The following RAB15 variants were observed in gnomAD, a reference collection of about 807,000 sequenced individuals.
The protein encoded by RAB15 is RAB15, member RAS oncogene family, also known as ras-related protein Rab-15.
In RAB15, 13 loss-of-function variants were observed where a neutral mutation model predicts 31.8. The ratio of observed to expected loss-of-function variants is 0.41; its 90% CI spans 0.27 to 0.65. RAB15 has a LOEUF of 0.65. RAB15 is among the 30% of genes least tolerant of loss of function. The pLI is 0.32. For synonymous variants in RAB15, 100 were observed against 105.6 expected (o/e 0.95, Z 0.33); for missense variants, 220 against 277.3 (o/e 0.79, Z 1.47).
Position 64,953,688 on chromosome 14 carries a change from G to T in RAB15, c.125-1117C>A. On this transcript the variant is annotated intron_variant, in intron 1 of 6. Coordinates refer to ENST00000533601, the MANE Select transcript of RAB15 (RefSeq NM_001308154.2). This position sits in a 1 kb window ranked among gnomAD's most constrained non-coding sequence, Gnocchi z 4.6. ...TCTGAGTGACAACAGAGAGATGAGG[G>T]AGGTTGTTTTGCTGACCATGCCTCT... is the stretch of plus-strand genomic sequence containing the variant. 1.9e-6 allele frequency: 1 copy of T among 520,360 alleles called. No individual in the cohort carries two copies. Among genetic ancestry groups the T allele is most frequent in the Non-Finnish European group, 2.5e-6 (1 of 404,986 alleles). 32.2% of individuals were successfully genotyped at this position (520,360 alleles called of 1,614,324 possible).
At chr14:64,967,275 G>T (rs1594954745) in intron 1 of RAB15, among the ~76,000 whole-genome samples, 1 of 152,206 alleles carries the variant, frequency 6.6e-6, no homozygotes, top group South Asian at 2.1e-4. Context: ...ACTCAGGGAA[G>T]ACTAAGGATG....
rs2079522126 is a variant in RAB15 at position 64,970,699 on chromosome 14, AATT to A, written c.124+1251_124+1253del. Among the ~76,000 whole-genome samples the A allele has an allele frequency of 6.6e-6, 1 of 152,242 alleles. No individual in the cohort carries two copies. Among genetic ancestry groups the A allele is most frequent in the South Asian group, 2.1e-4 (1 of 4,836 alleles). On this transcript the variant is annotated intron_variant, in intron 1 of 6. Coordinates refer to ENST00000533601, the MANE Select transcript of RAB15 (RefSeq NM_001308154.2). This position sits in a 1 kb window ranked among gnomAD's most constrained non-coding sequence, Gnocchi z 4.1. ...TGACAACAACTTGGCAGGTAGGTGC[AATT>A]ATTATACCCGTTCTACAGATGAGAA...
rs1886270333 is a variant in RAB15, at chr14:64,951,847, C to T, written c.186-184G>A. On this transcript the variant is annotated intron_variant, in intron 2 of 6. Coordinates refer to ENST00000533601, the MANE Select transcript of RAB15 (RefSeq NM_001308154.2). This position sits in a 1 kb window ranked among gnomAD's most constrained non-coding sequence, Gnocchi z 7.2. ...TCATCTGTGCTGGTGCTGACCAGGCCTGCAGGGCCTTGGCCCCTCCTGCCA... is the reference window on the plus strand; with the variant it reads ...TCATCTGTGCTGGTGCTGACCAGGCTTGCAGGGCCTTGGCCCCTCCTGCCA... Among the ~76,000 whole-genome samples the T allele has an allele frequency of 1.3e-5, 2 of 152,232 alleles. No homozygotes were observed. Among genetic ancestry groups the T allele is most frequent in the African/African-American group, 4.8e-5 (2 of 41,472 alleles).
intron 1 of RAB15, among the ~76,000 whole-genome samples, chr14:64,966,413 C>T (rs1000441747): frequency 6.6e-6 from 1 of 151,846 alleles, no homozygotes; most frequent in Non-Finnish European, 1.5e-5. Context: ...ATCCCAGCTA[C>T]TTAGGAGGCT....
In RAB15 at chr14:64,950,483, T is replaced by C. The variant is rs1199942515; in HGVS notation, c.325-69A>G. ...CCCCCCCAATTTTCCCTACAGAGTC[T>C]GCACTGCCTCCAGCCCACCACCAAT... is the stretch of plus-strand genomic sequence containing the variant. On this transcript the variant is annotated intron_variant, in intron 4 of 6. Coordinates refer to ENST00000533601, the MANE Select transcript of RAB15 (RefSeq NM_001308154.2). This position sits in a 1 kb window ranked among gnomAD's most constrained non-coding sequence, Gnocchi z 5.6. The C allele has an allele frequency of 1.0e-5, 13 of 1,284,982 alleles. No homozygotes were observed. The highest frequency in any genetic ancestry group is 1.4e-5 in the Non-Finnish European group (12 of 884,764). 79.6% of individuals were successfully genotyped at this position (1,284,982 alleles called of 1,614,324 possible).
rs1872988857 is a variant in RAB15, at chr14:64,951,126, C to T, written c.272G>A (p.Ser91Asn). 1.9e-6 allele frequency: 3 copies of T among 1,612,582 alleles called. No homozygotes were observed. The highest frequency in any genetic ancestry group is 1.1e-5 in the South Asian group (1 of 91,086). Residue 91 changes from serine (S) to asparagine (N), a missense_variant, in exon 4 of 7, where the codon AGC becomes AAC. Ser to Asn is a conservative substitution (Grantham distance 46). Transcript: ENST00000533601. This position sits in a 1 kb window ranked among gnomAD's most constrained non-coding sequence, Gnocchi z 7.2. ...AQGIFLVYDI[S>N]SERSYQHIMK... ...GATGTGCTGGTAAGAGCGCTCGCTGCTAATGTCATAGACCAAAAATATCCC... is the reference window on the plus strand; with the variant it reads ...GATGTGCTGGTAAGAGCGCTCGCTGTTAATGTCATAGACCAAAAATATCCC...
In RAB15 at chr14:64,946,504, A is replaced by G. The variant is rs1288191192; in HGVS notation, c.*1850T>C. On this transcript the variant is annotated 3_prime_UTR_variant, in exon 7 of 7. Transcript: ENST00000533601. Reference sequence around the variant, plus strand: ...CTAGAGTTAGCTGTCTCCTTTTCTCATTAGCCAGTGATTTACAACTTCCTG... The same window carrying G: ...CTAGAGTTAGCTGTCTCCTTTTCTCGTTAGCCAGTGATTTACAACTTCCTG... The G allele has an allele frequency of 2.0e-5, 3 of 152,180 alleles. No individual in the cohort carries two copies. The highest frequency in any genetic ancestry group is 2.0e-4 in the Admixed American group (3 of 15,278). 9.4% of individuals were successfully genotyped at this position (152,180 alleles called of 1,614,324 possible). A position where few individuals can be genotyped will look rare whatever the true frequency, so the allele number is the denominator to read the frequency against.
At chr14:64,959,503 T>A (rs991445530) in intron 1 of RAB15, among the ~76,000 whole-genome samples, 1 of 152,182 alleles carries the variant, frequency 6.6e-6, no homozygotes, top group Non-Finnish European at 1.5e-5. Context: ...TGCTCGTTTT[T>A]AAAATCTCTG....
At position 64,952,256 on chromosome 14, in the gene RAB15, T is replaced by C. The variant is rs940530425; in HGVS notation, c.185+255A>G. Among the ~76,000 whole-genome samples the C allele has an allele frequency of 1.3e-5, 2 of 152,220 alleles. No homozygotes were observed. Among genetic ancestry groups the C allele is most frequent in the Non-Finnish European group, 2.9e-5 (2 of 68,034 alleles). ...GGGCAAAGCCTAATCCTGAGATAAA[T>C]TCACAATGGTTAGTGTGCCAGTTCC... On this transcript the variant is annotated intron_variant, in intron 2 of 6. Transcript: ENST00000533601. The surrounding 1 kb of genome is among the most constrained non-coding windows in gnomAD (Gnocchi z 4.2).
In RAB15 at chr14:64,947,631, C is replaced by G. The variant is rs1253089328; in HGVS notation, c.*723G>C. ...GGTCGGGGAATGGGTAGAGGTAGGG[C>G]AGCCCCAGGCTCGAGGACTCCCTGG... On this transcript the variant is annotated 3_prime_UTR_variant, in exon 7 of 7. Coordinates refer to ENST00000533601, the MANE Select transcript of RAB15 (RefSeq NM_001308154.2). This position sits in a 1 kb window ranked among gnomAD's most constrained non-coding sequence, Gnocchi z 5.6. The G allele has an allele frequency of 1.3e-5, 2 of 152,762 alleles. No individual in the cohort carries two copies. Among genetic ancestry groups the G allele is most frequent in the African/African-American group, 4.8e-5 (2 of 41,450 alleles). The allele number at this position is 152,762 out of a possible 1,614,324, so 9.5% of individuals were successfully genotyped here.
chr14:64,954,491 G>C lies in RAB15; in HGVS notation c.125-1920C>G. 1 of 985,462 alleles carries C rather than the reference G, an allele frequency of 1.0e-6. No homozygotes were observed. Among genetic ancestry groups the C allele is most frequent in the Non-Finnish European group, 1.2e-6 (1 of 829,930 alleles). The allele number at this position is 985,462 out of a possible 1,614,324, so 61.0% of individuals were successfully genotyped here. ...CAAACCTGGCCAAGGACAGTGCCTT[G>C]TGCAAAGCCATCACAAGGGGGACAG... On this transcript the variant is annotated intron_variant, in intron 1 of 6. Coordinates refer to ENST00000533601, the MANE Select transcript of RAB15 (RefSeq NM_001308154.2). The surrounding 1 kb of genome is among the most constrained non-coding windows in gnomAD (Gnocchi z 4.3).
Position 64,950,216 on chromosome 14 carries a change from G to A in RAB15, c.414+109C>T, listed in dbSNP as rs928737626. The stretch of plus-strand genomic sequence containing the variant: ...CAGGGCCTTGGGGTGCTGGGGACGT[G>A]TGGGAGGACCTGCCACTGGGGAACA... On this transcript the variant is annotated intron_variant, in intron 5 of 6. Coordinates refer to ENST00000533601, the MANE Select transcript of RAB15 (RefSeq NM_001308154.2). This position sits in a 1 kb window ranked among gnomAD's most constrained non-coding sequence, Gnocchi z 5.6. 4 of 893,610 alleles carry A rather than the reference G, an allele frequency of 4.5e-6. No individual in the cohort carries two copies. In the South Asian group the frequency reaches 5.4e-5, roughly 12 times the overall value. The allele number at this position is 893,610 out of a possible 1,614,324, so 55.4% of individuals were successfully genotyped here.
chr14:64,959,649 C>T (rs932785896), intron 1 of RAB15, among the ~76,000 whole-genome samples: 2 of 151,808 alleles, frequency 1.3e-5, no homozygotes, highest in African/African-American at 2.4e-5. Flanking sequence ...GGACTGCTTG[C>T]GCCCAGGAGT....
At chr14:64,967,542 C>T (rs1028655225) in intron 1 of RAB15, among the ~76,000 whole-genome samples, 1 of 151,648 alleles carries the variant, frequency 6.6e-6, no homozygotes, top group Non-Finnish European at 1.5e-5. Context: ...GTGATTGTGC[C>T]ACCACCACAC....
chr14:64,950,467 T>C lies in RAB15; in HGVS notation c.325-53A>G, dbSNP rs1886188267. ...CAGTGAGTGCTGCCTGCCCCCCCAA[T>C]TTTCCCTACAGAGTCTGCACTGCCT... is the stretch of plus-strand genomic sequence containing the variant. On this transcript the variant is annotated intron_variant, in intron 4 of 6. Coordinates refer to ENST00000533601, the MANE Select transcript of RAB15 (RefSeq NM_001308154.2). This position sits in a 1 kb window ranked among gnomAD's most constrained non-coding sequence, Gnocchi z 5.6. The C allele has an allele frequency of 6.9e-7, 1 of 1,454,252 alleles. No homozygotes were observed. Among genetic ancestry groups the C allele is most frequent in the South Asian group, 1.1e-5 (1 of 87,852 alleles). The allele number at this position is 1,454,252 out of a possible 1,614,324, so 90.1% of individuals were successfully genotyped here. A position where few individuals can be genotyped will look rare whatever the true frequency, so the allele number is the denominator to read the frequency against.
chr14:64,962,134 G>A lies in RAB15; in HGVS notation c.125-9563C>T, dbSNP rs1205099956. Among the ~76,000 whole-genome samples, 5 of 152,132 alleles carry A rather than the reference G, an allele frequency of 3.3e-5. No homozygotes were observed. The highest frequency in any genetic ancestry group is 9.7e-5 in the African/African-American group (4 of 41,418). ...GGAGGCTGAGGCATGAGAATCGCTT[G>A]AACCTGGGAGGCGGAAGTTGCAGTG... On this transcript the variant is annotated intron_variant, in intron 1 of 6. Transcript: ENST00000533601. The surrounding 1 kb of genome is among the most constrained non-coding windows in gnomAD (Gnocchi z 4.2).
chr14:64,971,424 C>T lies in RAB15; in HGVS notation c.124+529G>A, dbSNP rs1269347246. ...GTCCTCCCCCAGGTGTCCCACCTTG[C>T]GGCTTACCTTCCCAACTCTGCCCTG... On this transcript the variant is annotated intron_variant, in intron 1 of 6. Coordinates refer to ENST00000533601, the MANE Select transcript of RAB15 (RefSeq NM_001308154.2). The surrounding 1 kb of genome is among the most constrained non-coding windows in gnomAD (Gnocchi z 4.1). Among the ~76,000 whole-genome samples the T allele has an allele frequency of 6.6e-6, 1 of 152,116 alleles. No individual in the cohort carries two copies. The highest frequency in any genetic ancestry group is 1.5e-5 in the Non-Finnish European group (1 of 68,008).
chr14:64,952,421 G>A lies in RAB15; in HGVS notation c.185+90C>T. On this transcript the variant is annotated intron_variant, in intron 2 of 6. Coordinates refer to ENST00000533601, the MANE Select transcript of RAB15 (RefSeq NM_001308154.2). The surrounding 1 kb of genome is among the most constrained non-coding windows in gnomAD (Gnocchi z 4.2). ...GAGGTGGCCAGTTATCCCAGGTGAA[G>A]CCTAGGAATTTTACACATGGCAGGG... is the stretch of plus-strand genomic sequence containing the variant. The A allele has an allele frequency of 1.0e-6, 1 of 958,232 alleles. No homozygotes were observed. Among genetic ancestry groups the A allele is most frequent in the Non-Finnish European group, 1.7e-6 (1 of 604,768 alleles). 59.4% of individuals were successfully genotyped at this position (958,232 alleles called of 1,614,324 possible).
In RAB15 at chr14:64,947,610, G is replaced by C. The variant is rs755083713; in HGVS notation, c.*744C>G. 6.5e-6 allele frequency: 1 copy of C among 152,706 alleles called. No individual in the cohort carries two copies. The highest frequency in any genetic ancestry group is 6.5e-5 in the Admixed American group (1 of 15,284). The allele number at this position is 152,706 out of a possible 1,614,324, so 9.5% of individuals were successfully genotyped here. ...GCCAAGCAAGGGCAAAGCTCTGGTC[G>C]GGGAATGGGTAGAGGTAGGGCAGCC... On this transcript the variant is annotated 3_prime_UTR_variant, in exon 7 of 7. Transcript: ENST00000533601. The surrounding 1 kb of genome is among the most constrained non-coding windows in gnomAD (Gnocchi z 5.6).
Sources: allele counts gnomAD v4.1 joint callset (sites outside exome capture counted in the v4.1 genomes callset), GRCh38; gene constraint gnomAD v4.1.1; non-coding constraint Gnocchi (gnomAD v3.1); transcripts MANE v1.5; gene names NCBI Gene and HGNC (gene_info 2026-07-23, HGNC 2026-07-21).